The following LRP1 variants were observed in gnomAD, a reference collection of about 807,000 sequenced individuals.
LRP1 encodes the protein prolow-density lipoprotein receptor-related protein 1.
Under a neutral mutation model 541.5 loss-of-function variants are expected in LRP1, and 51 were observed. The observed-to-expected ratio is 0.09, with a 90% CI of 0.08 to 0.12. The LOEUF (loss-of-function observed/expected upper bound fraction) is 0.12, where lower values mean the gene tolerates loss of function less well. Among genes scored for constraint, LRP1 ranks in the 10% least tolerant of loss-of-function variants. LRP1 has a pLI of 1.00. For synonymous variants in LRP1, 2,219 were observed against 2,470.8 expected, an observed-to-expected ratio of 0.90 and a Z score of 3.02; for missense variants, 3,878 against 6,376.2, an observed-to-expected ratio of 0.61 and a Z score of 13.34.
intron 11 of LRP1, among the ~76,000 whole-genome samples, chr12:57,159,104 C>T (rs1703281156): frequency 6.6e-6 from 1 of 152,230 alleles, no homozygotes; most frequent in South Asian, 2.1e-4. Context: ...GGTCTTCCCT[C>T]TGAGCTGCTT....
chr12:57,139,732 A>T (rs938706175), intron 2 of LRP1, among the ~76,000 whole-genome samples: 2 of 152,206 alleles, frequency 1.3e-5, no homozygotes, highest in African/African-American at 4.8e-5. Flanking sequence ...TCACAGTAAC[A>T]CAGAGTCACA....
Position 57,167,065 on chromosome 12 carries a change from G to A in LRP1, c.2914+19G>A, listed in dbSNP as rs556690202. 1.2e-6 allele frequency: 2 copies of A among 1,603,812 alleles called. No individual in the cohort carries two copies. The highest frequency in any genetic ancestry group is 1.7e-6 in the Non-Finnish European group (2 of 1,171,106). On this transcript the variant is annotated intron_variant, in intron 18 of 88. Transcript: ENST00000243077. The stretch of plus-strand genomic sequence containing the variant: ...TCGTGTGGTAAGAGGGATGGGCAGA[G>A]GGAGTCAGGCTGGGCCTGGGGGAGG...
Position 57,204,276 on chromosome 12 carries a change from A to C in LRP1, c.10952-134A>C, listed in dbSNP as rs2036721225. 4 of 1,095,334 alleles carry C rather than the reference A, an allele frequency of 3.7e-6. No homozygotes were observed. The East Asian group carries it at 1.0e-4, about 28-fold the overall frequency. 67.9% of individuals were successfully genotyped at this position (1,095,334 alleles called of 1,614,324 possible). On this transcript the variant is annotated intron_variant, in intron 70 of 88. Coordinates refer to ENST00000243077, the MANE Select transcript of LRP1 (RefSeq NM_002332.3). The surrounding 1 kb of genome is among the most constrained non-coding windows in gnomAD (Gnocchi z 5.3). ...GTTTGGCCCCACCAAGTAGAAATTTAAGAGACCTGGTTCCAATTTGGCTGT... is the reference window on the plus strand; with the variant it reads ...GTTTGGCCCCACCAAGTAGAAATTTCAGAGACCTGGTTCCAATTTGGCTGT...
intron 19 of LRP1, 81 bp from the exon 20 acceptor site, chr12:57,169,059 C>A: frequency 7.5e-7 from 1 of 1,331,422 alleles, no homozygotes; most frequent in Non-Finnish European, 1.1e-6. Context: ...GGGTTCTGGG[C>A]AGGGGGCCCA....
chr12:57,170,160 C>A (rs1195009015), intron 20 of LRP1, among the ~76,000 whole-genome samples: 1 of 152,216 alleles, frequency 6.6e-6, no homozygotes, highest in Non-Finnish European at 1.5e-5. Flanking sequence ...CGGTGTCCTC[C>A]CTGTGGGCAT....
chr12:57,144,069 C>T (rs1196076807), intron 4 of LRP1, among the ~76,000 whole-genome samples: 1 of 152,142 alleles, frequency 6.6e-6, no homozygotes, highest in Non-Finnish European at 1.5e-5. Flanking sequence ...CCAAAGTCCC[C>T]TTTGACAAAT....
In LRP1 at chr12:57,141,650, A is replaced by G. The variant is rs527938771; in HGVS notation, c.328+139A>G. ...GCCTAGATTTACCTTCAGAGAGCAG[A>G]TGAAATTGATGTGCCCCTTGGGCCT... On this transcript the variant is annotated intron_variant, in intron 3 of 88. Transcript: ENST00000243077. 22 of 1,128,216 alleles carry G rather than the reference A, an allele frequency of 1.9e-5. No homozygotes were observed. The African/African-American group carries it at 3.1e-4, about 16-fold the overall frequency. The allele number at this position is 1,128,216 out of a possible 1,614,324, so 69.9% of individuals were successfully genotyped here. A position where few individuals can be genotyped will look rare whatever the true frequency, so the allele number is the denominator to read the frequency against.
At position 57,198,505 on chromosome 12, in the gene LRP1, G is replaced by T; in HGVS notation, c.9511G>T (p.Gly3171Cys). The change falls in exon 60 of 89, where the codon GGC becomes TGC. Residue 3171 changes from glycine (G) to cysteine (C), a missense_variant. Around this residue, in one of 13 missense-constraint regions of LRP1, gnomAD observed 1,100 missense variants for 1,827.4 expected, o/e 0.60. Coordinates refer to ENST00000243077, the MANE Select transcript of LRP1 (RefSeq NM_002332.3). ...AGACTGGGGTGACCATTCACTGATC[G>T]GCCGCATCGGCATGGATGGGTCCAG... is the stretch of plus-strand genomic sequence containing the variant. Reference protein sequence around the residue: ...WTDWGDHSLIGRIGMDGSSRS... With the variant: ...WTDWGDHSLICRIGMDGSSRS... 6.2e-7 allele frequency: 1 copy of T among 1,614,044 alleles called. No homozygotes were observed. The highest frequency in any genetic ancestry group is 8.5e-7 in the Non-Finnish European group (1 of 1,180,022).
At chr12:57,147,162 G>A (rs1225801870) in intron 6 of LRP1, among the ~76,000 whole-genome samples, 1 of 152,014 alleles carries the variant, frequency 6.6e-6, no homozygotes, top group East Asian at 1.9e-4. Context: ...AGTCCAAGGG[G>A]AAATGCTTGT....
At chr12:57,135,606 CG>C (rs2035142685) in intron 1 of LRP1, among the ~76,000 whole-genome samples, 1 of 152,240 alleles carries the variant, frequency 6.6e-6, no homozygotes, top group Admixed American at 6.5e-5. Flanking sequence ...AGTTCTTTCA[CG>C]TATCTCTCTG....
chr12:57,191,335 G>A lies in LRP1; in HGVS notation c.7252G>A (p.Glu2418Lys). 4 of 1,606,486 alleles carry A rather than the reference G, an allele frequency of 2.5e-6. No individual in the cohort carries two copies. The highest frequency in any genetic ancestry group is 1.7e-6 in the Non-Finnish European group (2 of 1,174,270). Residue 2418 changes from glutamate (E) to lysine (K), a missense_variant, in exon 44 of 89, where the codon GAG becomes AAG. By Grantham distance (56) the Glu-to-Lys change is moderately conservative. This residue lies in a region of LRP1 where 1,100 missense variants were observed against 1,827.4 expected (regional missense o/e 0.60). Coordinates refer to ENST00000243077, the MANE Select transcript of LRP1 (RefSeq NM_002332.3). ...GSHRYVILKS[E>K]PVHPFGLAVY... Reference sequence around the variant, plus strand: ...GTCTCCACAGGTGATCCTAAAGTCAGAGCCTGTCCACCCCTTCGGGCTGGC... The same window carrying A: ...GTCTCCACAGGTGATCCTAAAGTCAAAGCCTGTCCACCCCTTCGGGCTGGC...
Position 57,212,489 on chromosome 12 carries a change from C to T in LRP1, c.13569C>T (p.Ser4523=). The T allele has an allele frequency of 6.2e-7, 1 of 1,613,994 alleles. No individual in the cohort carries two copies. The highest frequency in any genetic ancestry group is 1.1e-5 in the South Asian group (1 of 91,084). The part of the protein sequence containing the change: ...GGHGSRHSLA[S]TDEKRELLGR... Reference sequence around the variant, plus strand: ...ATGGCAGTCGCCACTCCCTGGCCAGCACGGACGAGAAGCGAGAACTCCTGG... The same window carrying T: ...ATGGCAGTCGCCACTCCCTGGCCAGTACGGACGAGAAGCGAGAACTCCTGG... Residue 4523 remains serine, a synonymous_variant, in exon 89 of 89, where the codon AGC becomes AGT. Transcript: ENST00000243077. This position sits in a 1 kb window ranked among gnomAD's most constrained non-coding sequence, Gnocchi z 5.0.
chr12:57,186,941 G>A (rs1302212904), intron 41 of LRP1, among the ~76,000 whole-genome samples: 2 of 152,230 alleles, frequency 1.3e-5, no homozygotes, highest in Non-Finnish European at 2.9e-5. Flanking sequence ...GCCCAAGCAG[G>A]ATTTGATTTA....
rs375540179 is a variant in LRP1 at position 57,206,546 on chromosome 12, G to A, written c.11664G>A (p.Ser3888=). Residue 3888 remains serine, a synonymous_variant, in exon 76 of 89, where the codon TCG becomes TCA. Transcript: ENST00000243077. The surrounding 1 kb of genome is among the most constrained non-coding windows in gnomAD (Gnocchi z 4.7). The part of the protein sequence containing the change: ...IRSLFPGHPH[S]AYEQAFQGDE... ...GCCTGTTCCCCGGCCACCCCCATTC[G>A]GCTTACGAGCAGGCATTCCAGGGTG... 8.1e-6 allele frequency: 13 copies of A among 1,614,016 alleles called. No individual in the cohort carries two copies. Among genetic ancestry groups the A allele is most frequent in the Admixed American group, 1.7e-5 (1 of 60,000 alleles).
chr12:57,166,339 G>A, intron 17 of LRP1, 130 bp downstream of exon 17: 1 of 1,254,978 alleles, frequency 8.0e-7, no homozygotes. Context: ...AGGATCACTT[G>A]AGCCCAGGAG....
At chr12:57,141,673 C>A (rs12302644) in intron 3 of LRP1, among the ~76,000 whole-genome samples, 162 bp downstream of exon 3, 328 of 152,348 alleles carry the variant, frequency 2.2e-3, no homozygotes, top group African/African-American at 7.6e-3. Flanking sequence ...GCCCCTTGGG[C>A]CTGGAGCTTG....
chr12:57,210,475 C>G lies in LRP1; in HGVS notation c.12749C>G (p.Pro4250Arg), dbSNP rs998613973. Residue 4250 changes from proline (P) to arginine (R), a missense_variant, in exon 82 of 89, where the codon CCC (proline) becomes CGC (arginine). This residue lies in a region of LRP1 where 871 missense variants were observed against 1,212.4 expected (regional missense o/e 0.72). Coordinates refer to ENST00000243077, the MANE Select transcript of LRP1 (RefSeq NM_002332.3). Reference sequence around the variant, plus strand: ...AATGGGGGCACCTGTGCTGCCTCCCCCTCTGGTATGCCCCCTCATCCCGCC... The same window carrying G: ...AATGGGGGCACCTGTGCTGCCTCCCGCTCTGGTATGCCCCCTCATCCCGCC... ...CRNGGTCAAS[P>R]SGMPTCRCPT... 3.3e-6 allele frequency: 5 copies of G among 1,525,654 alleles called. No individual in the cohort carries two copies. The highest frequency in any genetic ancestry group is 2.8e-5 in the African/African-American group (2 of 72,466). 94.5% of individuals were successfully genotyped at this position (1,525,654 alleles called of 1,614,324 possible). A position where few individuals can be genotyped will look rare whatever the true frequency, so the allele number is the denominator to read the frequency against.
intron 19 of LRP1, among the ~76,000 whole-genome samples, chr12:57,168,575 A>T (rs1195813067): frequency 6.6e-6 from 1 of 152,196 alleles, no homozygotes; most frequent in African/African-American, 2.4e-5. Context: ...CAGAGGGTCA[A>T]GTCAAGCAGC....
chr12:57,144,548 A>G (rs1051045798), intron 4 of LRP1: 5 of 167,572 alleles, frequency 3.0e-5, no homozygotes, highest in Non-Finnish European at 6.6e-5. Flanking sequence ...TGCCATCTGC[A>G]TTCTCTATCC....
Sources: allele counts gnomAD v4.1 joint callset (sites outside exome capture counted in the v4.1 genomes callset), GRCh38; gene constraint gnomAD v4.1.1; regional missense constraint gnomAD v4.1.1; non-coding constraint Gnocchi (gnomAD v3.1); transcripts MANE v1.5; gene names NCBI Gene and HGNC (gene_info 2026-07-23, HGNC 2026-07-21).